FIG4: variants seen among roughly 807,000 people sequenced by gnomAD.
FIG4 encodes the protein polyphosphoinositide phosphatase.
In FIG4, 112 loss-of-function variants were observed where a neutral mutation model predicts 118.6. That is an observed-to-expected ratio of 0.94 (90% CI 0.81 to 1.11). FIG4 has a LOEUF of 1.11. Among genes scored for constraint, FIG4 ranks in the 50% least tolerant of loss-of-function variants. The pLI is 0.00. For missense variants in FIG4, 969 were observed against 1,111.7 expected, an observed-to-expected ratio of 0.87 and a Z score of 1.83; for synonymous variants, 369 against 381.2, an observed-to-expected ratio of 0.97 and a Z score of 0.37.
rs112584672 is a variant in FIG4 at position 109,709,225 on chromosome 6, T to C, written c.67-5853T>C. ...ATCATTTATTGAATAGGGAATCCTT[T>C]CCCCATTGCTTGTTTTAGTAAGGTT... On this transcript the variant is annotated intron_variant, in intron 1 of 22. Transcript: ENST00000230124. Among the ~76,000 whole-genome samples, 932 of 152,354 alleles carry C rather than the reference T, an allele frequency of 6.1e-3. 14 individuals carry two copies. The highest frequency in any genetic ancestry group is 0.021 in the African/African-American group (885 of 41,592).
intron 16 of FIG4, among the ~76,000 whole-genome samples, chr6:109,780,150 T>A (rs1286371189): frequency 6.6e-6 from 1 of 152,202 alleles, no homozygotes; most frequent in Non-Finnish European, 1.5e-5. Context: ...CAGCTTTCTC[T>A]GAGAATCAGA....
chr6:109,821,259 G>T (rs927497735), intron 22 of FIG4, among the ~76,000 whole-genome samples: 1 of 152,226 alleles, frequency 6.6e-6, no homozygotes, highest in African/African-American at 2.4e-5. Context: ...GCAAGCTGTG[G>T]CAGTTTTCAA....
At chr6:109,735,093 G>T in intron 5 of FIG4, 57 bp from the exon 6 acceptor site, 1 of 1,466,790 alleles carries the variant, frequency 6.8e-7, no homozygotes, top group Non-Finnish European at 9.5e-7. Flanking sequence ...TGGGCGCCAA[G>T]ACCATGAAAT....
rs528029615 is a variant in FIG4, at chr6:109,782,857, G to T, written c.1890-2113G>T. On this transcript the variant is annotated intron_variant, in intron 16 of 22. Transcript: ENST00000230124. ...GAGAATGCATTGGCTATCTTTTTAG[G>T]TCACTTACAACACATCTCGATCTCA... is the stretch of plus-strand genomic sequence containing the variant. Among the ~76,000 whole-genome samples the T allele has an allele frequency of 2.6e-5, 4 of 152,258 alleles. No homozygotes were observed. In the South Asian group the frequency reaches 8.3e-4, roughly 32 times the overall value.
At chr6:109,720,071 C>T (rs1168814398) in intron 3 of FIG4, among the ~76,000 whole-genome samples, 1 of 152,106 alleles carries the variant, frequency 6.6e-6, no homozygotes, top group Non-Finnish European at 1.5e-5. Flanking sequence ...TGAGACTGTG[C>T]ATGTATGGTG....
chr6:109,778,340 C>A (rs370422625), intron 16 of FIG4, among the ~76,000 whole-genome samples: 1 of 151,166 alleles, frequency 6.6e-6, no homozygotes, highest in African/African-American at 2.4e-5. Context: ...CATGGTGGTA[C>A]GTGCCTGTAA....
intron 14 of FIG4, 127 bp from the exon 15 acceptor site, chr6:109,766,602 T>C: frequency 4.0e-6 from 3 of 758,520 alleles, no homozygotes; most frequent in South Asian, 3.0e-5. Flanking sequence ...TTGCAAGATA[T>C]TGAAGAATCT....
Position 109,791,357 on chromosome 6 carries a change from C to T in FIG4, c.2181-19C>T. 1.2e-6 allele frequency: 2 copies of T among 1,604,734 alleles called. No individual in the cohort carries two copies. Among genetic ancestry groups the T allele is most frequent in the South Asian group, 2.2e-5 (2 of 90,932 alleles). On this transcript the variant is annotated intron_variant, in intron 19 of 22. Transcript: ENST00000230124. ...GGTTAGTTTAAAGATGCTTCACTTC[C>T]ATATTATTCTTTTAAAAGAAACAAA...
At chr6:109,822,422 TG>T (rs1779029870) in intron 22 of FIG4, among the ~76,000 whole-genome samples, 1 of 152,212 alleles carries the variant, frequency 6.6e-6, no homozygotes, top group Admixed American at 6.5e-5. Flanking sequence ...TGATAAATAT[TG>T]GGTAAATATT....
At chr6:109,743,002 A>G (rs1776369923) in intron 8 of FIG4, 108 bp from the exon 9 acceptor site, 2 of 995,150 alleles carry the variant, frequency 2.0e-6, no homozygotes, top group East Asian at 2.6e-5. Flanking sequence ...TTCAAAGAAT[A>G]GGAATTATAA....
rs973984291 is a variant in FIG4 at position 109,697,396 on chromosome 6, G to C, written c.66+5895G>C. Among the ~76,000 whole-genome samples, 9 of 152,294 alleles carry C rather than the reference G, an allele frequency of 5.9e-5. No homozygotes were observed. In the South Asian group the frequency reaches 8.3e-4, roughly 14 times the overall value. On this transcript the variant is annotated intron_variant, in intron 1 of 22. Coordinates refer to ENST00000230124, the MANE Select transcript of FIG4 (RefSeq NM_014845.6). ...TCAACTGGGTTGCAGTCATCTGAAG[G>C]CTTGAAAGAAATGGCAGATTTACTT...
At position 109,703,114 on chromosome 6, in the gene FIG4, C is replaced by A. The variant is rs940868425; in HGVS notation, c.66+11613C>A. On this transcript the variant is annotated intron_variant, in intron 1 of 22. Transcript: ENST00000230124. ...ATAGAAGTTCATTTTTTTTTTAAGCCCATGAGTATCTAAAAATGTCCTATG... is the reference window on the plus strand; with the variant it reads ...ATAGAAGTTCATTTTTTTTTTAAGCACATGAGTATCTAAAAATGTCCTATG... Among the ~76,000 whole-genome samples, 8 of 151,034 alleles carry A rather than the reference C, an allele frequency of 5.3e-5. No homozygotes were observed. In the South Asian group the frequency reaches 1.7e-3, roughly 32 times the overall value.
At chr6:109,799,100 A>G (rs1005763193) in intron 22 of FIG4, among the ~76,000 whole-genome samples, 1 of 152,238 alleles carries the variant, frequency 6.6e-6, no homozygotes, top group Non-Finnish European at 1.5e-5. Flanking sequence ...TTTTCTTAAC[A>G]TTATTTCTGA....
chr6:109,825,356 G>A lies in FIG4; in HGVS notation c.*91G>A. On this transcript the variant is annotated 3_prime_UTR_variant, in exon 23 of 23. Coordinates refer to ENST00000230124, the MANE Select transcript of FIG4 (RefSeq NM_014845.6). Reference sequence around the variant, plus strand: ...AAAGGTAACTTATTAAAAGTCCTTTGCGTCTGAAGCCTTTCTCCTTTTCTG... The same window carrying A: ...AAAGGTAACTTATTAAAAGTCCTTTACGTCTGAAGCCTTTCTCCTTTTCTG... 1.7e-6 allele frequency: 2 copies of A among 1,195,384 alleles called. No homozygotes were observed. The highest frequency in any genetic ancestry group is 2.4e-6 in the Non-Finnish European group (2 of 816,566). 74.0% of individuals were successfully genotyped at this position (1,195,384 alleles called of 1,614,324 possible).
intron 16 of FIG4, among the ~76,000 whole-genome samples, chr6:109,780,905 G>T (rs563212591): frequency 6.6e-6 from 1 of 152,294 alleles, no homozygotes; most frequent in African/African-American, 2.4e-5. Flanking sequence ...TTCTGAATTT[G>T]ATTAATATGG....
intron 22 of FIG4, among the ~76,000 whole-genome samples, chr6:109,799,347 T>C (rs910448983): frequency 1.3e-5 from 2 of 152,134 alleles, no homozygotes; most frequent in African/African-American, 2.4e-5. Flanking sequence ...CCCAAGAATG[T>C]TTTTGGTGTT....
intron 22 of FIG4, among the ~76,000 whole-genome samples, chr6:109,802,714 C>T (rs1778456846): frequency 6.6e-6 from 1 of 152,068 alleles, no homozygotes. Context: ...TGAATGACTC[C>T]TGTTGGGGAT....
At position 109,713,453 on chromosome 6, in the gene FIG4, A is replaced by T. The variant is rs561458762; in HGVS notation, c.67-1625A>T. Among the ~76,000 whole-genome samples the T allele has an allele frequency of 6.8e-4, 103 of 152,234 alleles. 1 individual carries two copies. The highest frequency in any genetic ancestry group is 9.0e-4 in the Non-Finnish European group (61 of 67,988). On this transcript the variant is annotated intron_variant, in intron 1 of 22. Coordinates refer to ENST00000230124, the MANE Select transcript of FIG4 (RefSeq NM_014845.6). ...AGTGGTGGTCACTGAGGGCTGGGGA[A>T]GGTCCACTGGCCTCTGTGCATAGTT...
At position 109,796,901 on chromosome 6, in the gene FIG4, A is replaced by G. The variant is rs149291601; in HGVS notation, c.2546+50A>G. On this transcript the variant is annotated intron_variant, in intron 22 of 22. Transcript: ENST00000230124. ...AGAAATCTTTGTATTCATGCCACTCATAGGGCTTTCTTTAAAGACTTTTTA... is the reference window on the plus strand; with the variant it reads ...AGAAATCTTTGTATTCATGCCACTCGTAGGGCTTTCTTTAAAGACTTTTTA... 123 of 1,053,022 alleles carry G rather than the reference A, an allele frequency of 1.2e-4. 2 individuals carry two copies. In the African/African-American group the frequency reaches 1.9e-3, roughly 16 times the overall value. The allele number at this position is 1,053,022 out of a possible 1,614,324, so 65.2% of individuals were successfully genotyped here.
Sources: gnomAD v4.1 joint callset for allele counts (sites outside exome capture counted in the v4.1 genomes callset) on GRCh38, gnomAD v4.1.1 for gene constraint, MANE v1.5 for transcripts, NCBI Gene and HGNC (gene_info 2026-07-23, HGNC 2026-07-21) for gene names.